Variants in DMD observed in about 807,000 individuals in gnomAD.
The protein encoded by DMD is dystrophin, also known as mutant dystrophin.
A neutral mutation model predicts 330.1 loss-of-function variants in DMD; 63 were observed. That is an observed-to-expected ratio of 0.19 (90% CI 0.16 to 0.24). The LOEUF (loss-of-function observed/expected upper bound fraction) is 0.24. Ranked by LOEUF, DMD falls within the 10% of genes least tolerant of loss-of-function variation. The pLI is 1.00. For synonymous variants in DMD, 1,223 were observed against 959.8 expected (o/e 1.27, Z -5.07); for missense variants, 3,344 against 2,684.1 (o/e 1.25, Z -5.43).
At chrX:32,409,080 T>G (rs887800155) in intron 30 of DMD, among the ~76,000 whole-genome samples, 1 of 111,610 alleles carries the variant, frequency 9.0e-6, no homozygotes, top group Admixed American at 9.6e-5. Context: ...CGAGCTGCTT[T>G]TCAGGAAATA....
intron 47 of DMD, among the ~76,000 whole-genome samples, chrX:31,922,939 C>T (rs770950671): frequency 9.0e-5 from 10 of 111,262 alleles, no homozygotes; most frequent in East Asian, 2.8e-4. Flanking sequence ...ATGACAAGGA[C>T]GATGATGCTA....
chrX:32,849,973 C>A (rs1252509045), intron 2 of DMD, among the ~76,000 whole-genome samples, 153 bp from the exon 3 acceptor site: 1 of 110,545 alleles, frequency 9.0e-6, no homozygotes, highest in Non-Finnish European at 1.9e-5. Context: ...AAGGAAAGTT[C>A]AAATGACAAA....
chrX:32,750,464 T>C (rs1006394714), intron 7 of DMD, among the ~76,000 whole-genome samples: 5 of 111,607 alleles, frequency 4.5e-5, no homozygotes, highest in African/African-American at 1.6e-4. Flanking sequence ...AAATATGATA[T>C]TCATTCAATA....
intron 37 of DMD, among the ~76,000 whole-genome samples, chrX:32,351,929 C>A (rs1481223027): frequency 9.0e-6 from 1 of 110,642 alleles, no homozygotes; most frequent in African/African-American, 3.3e-5. Context: ...ATAATGGAAA[C>A]TTAGACTTCT....
chrX:32,311,453 T>A (rs1056252005), intron 41 of DMD, among the ~76,000 whole-genome samples: 1 of 111,624 alleles, frequency 9.0e-6, no homozygotes, highest in Non-Finnish European at 1.9e-5. Flanking sequence ...ACCTAGGATT[T>A]TCATACTCAA....
At chrX:32,417,320 G>A (rs768055359) in intron 29 of DMD, among the ~76,000 whole-genome samples, 1 of 110,208 alleles carries the variant, frequency 9.1e-6, no homozygotes, top group Non-Finnish European at 1.9e-5. Context: ...ATGGCCCAGA[G>A]GGAGAGTAGG....
At chrX:33,008,455 G>T (rs967662875) in intron 2 of DMD, among the ~76,000 whole-genome samples, 6 of 110,682 alleles carry the variant, frequency 5.4e-5, no homozygotes, top group Admixed American at 3.9e-4. Context: ...AAGCACAGAG[G>T]AAGACCTTCA....
chrX:32,634,138 C>T (rs1349841733), intron 11 of DMD, among the ~76,000 whole-genome samples: 2 of 111,879 alleles, frequency 1.8e-5, no homozygotes, highest in South Asian at 3.7e-4. Context: ...CTCATGGCCA[C>T]GACGACTACT....
At chrX:32,735,533 A>T (rs1346459268) in intron 7 of DMD, among the ~76,000 whole-genome samples, 8 of 111,697 alleles carry the variant, frequency 7.2e-5, no homozygotes, top group African/African-American at 2.6e-4. Flanking sequence ...AGGCTGCAGT[A>T]ACCAAAACAG....
chrX:32,021,539 A>G (rs754880311), intron 44 of DMD, among the ~76,000 whole-genome samples: 1 of 112,139 alleles, frequency 8.9e-6, no homozygotes, highest in African/African-American at 3.2e-5. Context: ...AGATGTTCAT[A>G]TTATTCTTTA....
intron 44 of DMD, among the ~76,000 whole-genome samples, chrX:32,177,804 ATGAG>A (rs1357789856): frequency 9.0e-6 from 1 of 110,976 alleles, no homozygotes; most frequent in Non-Finnish European, 1.9e-5. Context: ...TATTTGTTGG[ATGAG>A]TGATTGTGGT....
chrX:31,726,355 C>A (rs1357213786), intron 52 of DMD, among the ~76,000 whole-genome samples: 1 of 111,978 alleles, frequency 8.9e-6, no homozygotes, highest in Non-Finnish European at 1.9e-5. Context: ...ATTTTCCCAA[C>A]TGTTCAAAGT....
intron 44 of DMD, among the ~76,000 whole-genome samples, chrX:32,111,595 A>G (rs934048574): frequency 2.7e-5 from 3 of 111,677 alleles, no homozygotes; most frequent in African/African-American, 9.7e-5. Context: ...ATCTGTATCT[A>G]TATTCTCCTT....
chrX:32,583,506 AT>A (rs971207120), intron 13 of DMD: 1 of 111,952 alleles, frequency 8.9e-6, no homozygotes, highest in African/African-American at 3.3e-5. Flanking sequence ...TCTCAAAAAA[AT>A]ATTACCATAT....
At chrX:32,902,966 G>A (rs1248348659) in intron 2 of DMD, among the ~76,000 whole-genome samples, 3 of 107,871 alleles carry the variant, frequency 2.8e-5, no homozygotes, top group Admixed American at 2.0e-4. Context: ...AGACCAGCCT[G>A]GCCAACATGA....
chrX:31,371,321 T>C (rs1182025780), intron 60 of DMD, among the ~76,000 whole-genome samples: 1 of 111,440 alleles, frequency 9.0e-6, no homozygotes, highest in African/African-American at 3.3e-5. Context: ...AATTCTAAGG[T>C]TCTGTCACTA....
chrX:32,630,763 T>G (rs67011632), intron 11 of DMD, among the ~76,000 whole-genome samples: 15,249 of 111,503 alleles, frequency 0.14, 977 homozygotes, highest in African/African-American at 0.25. Flanking sequence ...CATCCTCAAA[T>G]CAGCCATTTG....
At chrX:31,247,600 CAAAA>C (rs61281481) in intron 63 of DMD, among the ~76,000 whole-genome samples, 1,302 of 74,265 alleles carry the variant, frequency 0.018, 13 homozygotes, top group East Asian at 0.086. Flanking sequence ...GACTGTGTCT[CAAAA>C]AAAAAAAAAA....
At chrX:31,609,562 A>T (rs2077794401) in intron 55 of DMD, among the ~76,000 whole-genome samples, 1 of 111,775 alleles carries the variant, frequency 8.9e-6, no homozygotes, top group Admixed American at 9.5e-5. Flanking sequence ...GTTTCCAATT[A>T]CAACTTACTT....
Sources: gnomAD v4.1 joint callset for allele counts (sites outside exome capture counted in the v4.1 genomes callset) on GRCh38, gnomAD v4.1.1 for gene constraint, MANE v1.5 for transcripts, NCBI Gene and HGNC (gene_info 2026-07-23, HGNC 2026-07-21) for gene names.